Variants in HYAL1 observed in about 807,000 individuals in gnomAD.
HYAL1 encodes the protein hyaluronidase 1.
HYAL1 carries 21 observed loss-of-function variants against 28.8 expected under a neutral mutation model. The observed-to-expected ratio is 0.73, with a 90% CI of 0.52 to 1.05. The LOEUF (loss-of-function observed/expected upper bound fraction) is 1.05. HYAL1 is among the 50% of genes least tolerant of loss of function. The pLI, the probability that HYAL1 is intolerant of heterozygous loss-of-function variation, is 0.00. For synonymous variants in HYAL1, 200 were observed against 230.1 expected (o/e 0.87, Z 1.18); for missense variants, 491 against 579.2 (o/e 0.85, Z 1.56).
Position 50,302,496 on chromosome 3 carries a change from A to G in HYAL1, c.461T>C (p.Leu154Pro). The G allele has an allele frequency of 3.1e-6, 5 of 1,614,156 alleles. No individual in the cohort carries two copies. Among genetic ancestry groups the G allele is most frequent in the Non-Finnish European group, 4.2e-6 (5 of 1,180,034 alleles). ...CCAATCAGGGTGCTGTGCCTGTACC[A>G]GTGCCCGTGAGCGCTGCCGGTAAAT... ...KDIYRQRSRA[L>P]VQAQHPDWPA... is the part of the protein sequence containing the mutation. The change falls in exon 2 of 4, where the codon CTG becomes CCG. Residue 154 changes from leucine (L) to proline (P), a missense_variant. Coordinates refer to ENST00000395144, the MANE Select transcript of HYAL1 (RefSeq NM_033159.4). This position sits in a 1 kb window ranked among gnomAD's most constrained non-coding sequence, Gnocchi z 5.0.
At chr3:50,305,341 T>G (rs1702316232), upstream of HYAL1, among the ~76,000 whole-genome samples, 1 of 152,068 alleles carries the variant, frequency 6.6e-6, no homozygotes, top group Non-Finnish European at 1.5e-5. Context: ...CCCCCCGGGT[T>G]CATGCCATTC....
chr3:50,300,808 G>C lies in HYAL1; in HGVS notation c.991-8C>G, dbSNP rs781831071. On this transcript the variant is annotated splice_region_variant and splice_polypyrimidine_tract_variant and intron_variant, in intron 3 of 3. Coordinates refer to ENST00000395144, the MANE Select transcript of HYAL1 (RefSeq NM_033159.4). ...GATGGCCTGACATGATTCCTAGGTG[G>C]GAAGGGAGGATAGCGTCAGGGACAC... The C allele has an allele frequency of 1.9e-6, 3 of 1,612,964 alleles. No individual in the cohort carries two copies. The highest frequency in any genetic ancestry group is 2.2e-5 in the South Asian group (2 of 90,848).
chr3:50,299,994 C>T lies in HYAL1; in HGVS notation c.*489G>A. ...ACTCAGTAGGAGTGCAAGGGCTGTA[C>T]CCCCGGAGCTAGACAGCCTGGGTTT... On this transcript the variant is annotated 3_prime_UTR_variant, in exon 4 of 4. Transcript: ENST00000395144. 1 of 227,856 alleles carries T rather than the reference C, an allele frequency of 4.4e-6. No homozygotes were observed. The highest frequency in any genetic ancestry group is 8.9e-6 in the Non-Finnish European group (1 of 112,328). 14.1% of individuals were successfully genotyped at this position (227,856 alleles called of 1,614,324 possible). A position where few individuals can be genotyped will look rare whatever the true frequency, so the allele number is the denominator to read the frequency against.
rs1553712430 is a variant in HYAL1 at position 50,300,586 on chromosome 3, C to A, written c.1205G>T (p.Gly402Val). 2 of 1,614,198 alleles carry A rather than the reference C, an allele frequency of 1.2e-6. No individual in the cohort carries two copies. Among genetic ancestry groups the A allele is most frequent in the East Asian group, 2.2e-5 (1 of 44,886 alleles). The change falls in exon 4 of 4, where the codon GGT becomes GTT. Residue 402 changes from glycine to valine, a missense_variant. Gly to Val is a moderately radical substitution (Grantham distance 109). Coordinates refer to ENST00000395144, the MANE Select transcript of HYAL1 (RefSeq NM_033159.4). The stretch of plus-strand genomic sequence containing the variant: ...TGCCTGATCTTCAAGTGAGAGGGCA[C>A]CCCGCAGGCTCAGGGGCCCACCACC... ...TPGGGPLSLR[G>V]ALSLEDQAQM...
chr3:50,309,019 G>A (rs964567913), intron 2 of HYAL1, among the ~76,000 whole-genome samples: 3 of 151,158 alleles, frequency 2.0e-5, no homozygotes, highest in Admixed American at 6.6e-5. Context: ...GTGAGCCACC[G>A]TGCCTGGCCA....
rs1575517388 is a variant in HYAL1, at chr3:50,302,764, T to G, written c.193A>C (p.Thr65Pro). The change falls in exon 2 of 4, where the codon ACC becomes CCC. Residue 65 changes from threonine to proline, a missense_variant. Physicochemically the swap from Thr to Pro is conservative, Grantham distance 38 (BLOSUM62 -1). Transcript: ENST00000395144. This position sits in a 1 kb window ranked among gnomAD's most constrained non-coding sequence, Gnocchi z 5.0. Reference protein sequence around the residue: ...VFDVVANPGQTFRGPDMTIFY... With the variant: ...VFDVVANPGQPFRGPDMTIFY... Reference sequence around the variant, plus strand: ...ATTGTCATGTCAGGGCCGCGGAAGGTCTGCCCTGGGTTGGCTACCACATCG... The same window carrying G: ...ATTGTCATGTCAGGGCCGCGGAAGGGCTGCCCTGGGTTGGCTACCACATCG... 1.2e-6 allele frequency: 2 copies of G among 1,613,928 alleles called. No homozygotes were observed. Among genetic ancestry groups the G allele is most frequent in the Non-Finnish European group, 1.7e-6 (2 of 1,180,004 alleles).
upstream of HYAL1, among the ~76,000 whole-genome samples, chr3:50,305,378 G>A (rs1702317603): frequency 6.6e-6 from 1 of 151,916 alleles, no homozygotes; most frequent in Non-Finnish European, 1.5e-5. Context: ...CGAGTAGCTG[G>A]GACTACAGGC....
Position 50,302,209 on chromosome 3 carries a change from C to T in HYAL1, c.748G>A (p.Ala250Thr), listed in dbSNP as rs142160277. Residue 250 changes from alanine to threonine, a missense_variant, in exon 2 of 4, where the codon GCA becomes ACA. Ala to Thr is a moderately conservative substitution (Grantham distance 58, BLOSUM62 0). Transcript: ENST00000395144. This position sits in a 1 kb window ranked among gnomAD's most constrained non-coding sequence, Gnocchi z 5.0. ...GACTTCCCTGTGCCCTCCAGCACTG[C>T]GGGCATGTAGATGCTGGGATAGAGG... ...RALYPSIYMP[A>T]VLEGTGKSQM... 34 of 1,614,104 alleles carry T rather than the reference C, an allele frequency of 2.1e-5. No homozygotes were observed. Among genetic ancestry groups the T allele is most frequent in the East Asian group, 6.7e-5 (3 of 44,880 alleles).
upstream of HYAL1, among the ~76,000 whole-genome samples, chr3:50,307,637 T>A (rs1469050259): frequency 1.5e-4 from 17 of 110,160 alleles, no homozygotes; most frequent in African/African-American, 2.3e-4. Flanking sequence ...GCGGAGATCA[T>A]GCCACTGCAC....
chr3:50,302,985 C>A lies in HYAL1; in HGVS notation c.-24-5G>T, dbSNP rs587728129. 11 of 1,532,594 alleles carry A rather than the reference C, an allele frequency of 7.2e-6. No individual in the cohort carries two copies. The highest frequency in any genetic ancestry group is 1.4e-5 in the African/African-American group (1 of 72,646). 94.9% of individuals were successfully genotyped at this position (1,532,594 alleles called of 1,614,324 possible). On this transcript the variant is annotated splice_region_variant and splice_polypyrimidine_tract_variant and intron_variant, in intron 1 of 3. Transcript: ENST00000395144. The surrounding 1 kb of genome is among the most constrained non-coding windows in gnomAD (Gnocchi z 5.0). ...ACGGGACTGGTCGAGGACAACCTGG[C>A]CAGGGGAGGCAGAGCTGAGAACAGG...
upstream of HYAL1, chr3:50,304,264 G>A (rs1478103263): frequency 7.5e-5 from 5 of 67,094 alleles, no homozygotes; most frequent in East Asian, 3.5e-4. Context: ...GACAGAGAGC[G>A]ACTCCATCTC....
Position 50,302,381 on chromosome 3 carries a change from T to G in HYAL1, c.576A>C (p.Ala192=). 1 of 1,613,784 alleles carries G rather than the reference T, an allele frequency of 6.2e-7. No individual in the cohort carries two copies. Among genetic ancestry groups the G allele is most frequent in the Non-Finnish European group, 8.5e-7 (1 of 1,179,974 alleles). The part of the protein sequence containing the change: ...WMAGTLQLGR[A]LRPRGLWGFY... ...AGCCCCAGAGGCCGCGAGGACGCAGTGCCCGCCCCAGCTGGAGGGTGCCTG... is the reference window on the plus strand; with the variant it reads ...AGCCCCAGAGGCCGCGAGGACGCAGGGCCCGCCCCAGCTGGAGGGTGCCTG... The change falls in exon 2 of 4, where the codon GCA becomes GCC. Residue 192 remains alanine (A), a synonymous_variant. Coordinates refer to ENST00000395144, the MANE Select transcript of HYAL1 (RefSeq NM_033159.4). The surrounding 1 kb of genome is among the most constrained non-coding windows in gnomAD (Gnocchi z 5.0).
chr3:50,302,774 G>A lies in HYAL1; in HGVS notation c.183C>T (p.Asn61=). The A allele has an allele frequency of 6.2e-7, 1 of 1,613,998 alleles. No homozygotes were observed. Among genetic ancestry groups the A allele is most frequent in the Non-Finnish European group, 8.5e-7 (1 of 1,180,026 alleles). ...VDVSVFDVVA[N]PGQTFRGPDM... ...CAGGGCCGCGGAAGGTCTGCCCTGGGTTGGCTACCACATCGAAGACACTGA... is the reference window on the plus strand; with the variant it reads ...CAGGGCCGCGGAAGGTCTGCCCTGGATTGGCTACCACATCGAAGACACTGA... The change falls in exon 2 of 4, where the codon AAC becomes AAT. Residue 61 remains asparagine (N), a synonymous_variant. Transcript: ENST00000395144. This position sits in a 1 kb window ranked among gnomAD's most constrained non-coding sequence, Gnocchi z 5.0.
At chr3:50,308,482 C>G (rs1456109408), upstream of HYAL1, among the ~76,000 whole-genome samples, 2 of 150,178 alleles carry the variant, frequency 1.3e-5, no homozygotes, top group Non-Finnish European at 2.9e-5. Flanking sequence ...GATTCTCGCT[C>G]TGTCACCCAG....
chr3:50,307,186 G>A (rs587737864), upstream of HYAL1, among the ~76,000 whole-genome samples: 212 of 150,200 alleles, frequency 1.4e-3, 15 homozygotes, highest in African/African-American at 4.7e-3. Flanking sequence ...CCAACATGGC[G>A]AAACCCTGTT....
Position 50,300,205 on chromosome 3 carries a change from A to T in HYAL1, c.*278T>A. ...TCAGCCTTTGTGATTGCTGCAGTTC[A>T]AAGACTGGCTCAGTGTCTCTGGAGG... On this transcript the variant is annotated 3_prime_UTR_variant, in exon 4 of 4. Coordinates refer to ENST00000395144, the MANE Select transcript of HYAL1 (RefSeq NM_033159.4). The T allele has an allele frequency of 2.0e-6, 1 of 492,264 alleles. No individual in the cohort carries two copies. Among genetic ancestry groups the T allele is most frequent in the Non-Finnish European group, 3.7e-6 (1 of 267,748 alleles). 30.5% of individuals were successfully genotyped at this position (492,264 alleles called of 1,614,324 possible).
rs1553713179 is a variant in HYAL1, at chr3:50,302,379, A to G, written c.578T>C (p.Leu193Pro). The G allele has an allele frequency of 3.7e-6, 6 of 1,613,792 alleles. No homozygotes were observed. The highest frequency in any genetic ancestry group is 1.7e-5 in the Admixed American group (1 of 60,020). Reference sequence around the variant, plus strand: ...GAAGCCCCAGAGGCCGCGAGGACGCAGTGCCCGCCCCAGCTGGAGGGTGCC... The same window carrying G: ...GAAGCCCCAGAGGCCGCGAGGACGCGGTGCCCGCCCCAGCTGGAGGGTGCC... ...MAGTLQLGRALRPRGLWGFYG... is the reference protein window; with the variant it reads ...MAGTLQLGRAPRPRGLWGFYG... The change falls in exon 2 of 4, where the codon CTG (leucine) becomes CCG (proline). Residue 193 changes from leucine (L) to proline (P), a missense_variant. Transcript: ENST00000395144. The surrounding 1 kb of genome is among the most constrained non-coding windows in gnomAD (Gnocchi z 5.0).
rs1673417564 is a variant in HYAL1 at position 50,300,496 on chromosome 3, T to C, written c.1295A>G (p.Lys432Arg). 6.2e-7 allele frequency: 1 copy of C among 1,614,210 alleles called. No individual in the cohort carries two copies. Among genetic ancestry groups the C allele is most frequent in the African/African-American group, 1.3e-5 (1 of 75,062 alleles). The part of the protein sequence containing the change: ...PGWQAPWCER[K>R]SMW ...GTGTGTGGCCAATCACCACATGCTC[T>C]TCCGCTCACACCACGGTGCCTGCCA... Residue 432 changes from lysine (K) to arginine (R), a missense_variant, in exon 4 of 4, where the codon AAG (lysine) becomes AGG (arginine). Coordinates refer to ENST00000395144, the MANE Select transcript of HYAL1 (RefSeq NM_033159.4).
At chr3:50,311,465 C>A (rs1298951504) in intron 1 of HYAL1, among the ~76,000 whole-genome samples, 1 of 130,186 alleles carries the variant, frequency 7.7e-6, no homozygotes, top group Admixed American at 7.5e-5. Context: ...CACCTCCCTC[C>A]CGGACGGGGC....
Sources: gnomAD v4.1 joint callset for allele counts (sites outside exome capture counted in the v4.1 genomes callset) on GRCh38, gnomAD v4.1.1 for gene constraint, Gnocchi (gnomAD v3.1) non-coding constraint, MANE v1.5 for transcripts, NCBI Gene and HGNC (gene_info 2026-07-23, HGNC 2026-07-21) for gene names.